The following RUNX1 variants were observed in gnomAD, a reference collection of about 807,000 sequenced individuals.
RUNX1 encodes RUNX family transcription factor 1.
In RUNX1, 19 loss-of-function variants were observed where a neutral mutation model predicts 42.8. The ratio of observed to expected loss-of-function variants is 0.44; its 90% CI spans 0.31 to 0.65. The LOEUF (loss-of-function observed/expected upper bound fraction) is 0.65, where lower values mean the gene tolerates loss of function less well. Ranked by LOEUF, RUNX1 falls within the 30% of genes least tolerant of loss-of-function variation. RUNX1 has a pLI of 0.07. For synonymous variants in RUNX1, 271 were observed against 289.4 expected (o/e 0.94, Z 0.64); for missense variants, 528 against 672.0 (o/e 0.79, Z 2.37).
intron 6 of RUNX1, among the ~76,000 whole-genome samples, chr21:34,837,018 A>T (rs1456736907): frequency 6.6e-6 from 1 of 152,174 alleles, no homozygotes. Flanking sequence ...TTTTATTTTA[A>T]TTAGTCCCCC....
At position 34,789,589 on chromosome 21, in the gene RUNX1, C is replaced by A; in HGVS notation, c.*2546G>T. ...AAGTCAATGAATGCAATTTTTCACA[C>A]ACACACACACACACGCACACACACA... On this transcript the variant is annotated 3_prime_UTR_variant, in exon 9 of 9. Transcript: ENST00000675419. 1 of 233,234 alleles carries A rather than the reference C, an allele frequency of 4.3e-6. No homozygotes were observed. The highest frequency in any genetic ancestry group is 8.5e-6 in the Non-Finnish European group (1 of 118,052). 14.4% of individuals were successfully genotyped at this position (233,234 alleles called of 1,614,324 possible).
At chr21:35,049,060 A>G (rs1368854257) in intron 1 of RUNX1, 102 bp from the exon 2 acceptor site, 1 of 677,562 alleles carries the variant, frequency 1.5e-6, no homozygotes, top group Non-Finnish European at 2.7e-6. Context: ...GGGACTCCCC[A>G]AGCCCTATTA....
In RUNX1 at chr21:34,958,987, G is replaced by A. The variant is rs1396721223; in HGVS notation, c.59-66024C>T. Among the ~76,000 whole-genome samples the A allele has an allele frequency of 6.6e-5, 10 of 151,806 alleles. No homozygotes were observed. In the East Asian group the frequency reaches 7.7e-4, roughly 12 times the overall value. ...ACACCGCATGTTCTCACTCATAGATGGGAATTGAACAATGAGAACACATGG... is the reference window on the plus strand; with the variant it reads ...ACACCGCATGTTCTCACTCATAGATAGGAATTGAACAATGAGAACACATGG... On this transcript the variant is annotated intron_variant, in intron 2 of 8. Transcript: ENST00000675419.
intron 2 of RUNX1, among the ~76,000 whole-genome samples, chr21:34,909,588 C>CAAAAAAAAAAAAAAAAAAAAAAAAAAA (rs10584066): frequency 8.0e-5 from 6 of 75,022 alleles, no homozygotes; most frequent in African/African-American, 3.1e-4. Flanking sequence ...CACTGTTCCT[C>CAAAAAAAAAAAAAAAAAAAAAAAAAAA]AAAAAAAAAA....
At chr21:35,034,740 C>T (rs190991010) in intron 2 of RUNX1, among the ~76,000 whole-genome samples, 103 of 152,266 alleles carry the variant, frequency 6.8e-4, no homozygotes, top group African/African-American at 2.4e-3. Flanking sequence ...GTGGCGAGGT[C>T]GGGAAACCCT....
chr21:34,964,255 G>A (rs562203297), intron 2 of RUNX1, among the ~76,000 whole-genome samples: 3 of 152,140 alleles, frequency 2.0e-5, no homozygotes, highest in African/African-American at 7.2e-5. Context: ...ATGGGAGGCC[G>A]AGGTGAGCAG....
intron 2 of RUNX1, among the ~76,000 whole-genome samples, chr21:35,008,759 G>A (rs1488771378): frequency 2.0e-5 from 3 of 152,106 alleles, no homozygotes; most frequent in African/African-American, 4.8e-5. Flanking sequence ...GATACCTAGT[G>A]GTGGACTCGG....
intron 6 of RUNX1, among the ~76,000 whole-genome samples, chr21:34,852,169 A>AAAAC (rs2057429995): frequency 6.6e-6 from 1 of 150,974 alleles, no homozygotes; most frequent in African/African-American, 2.4e-5. Flanking sequence ...CTCTGTCTCA[A>AAAAC]AAAACAAAAC....
intron 2 of RUNX1, among the ~76,000 whole-genome samples, chr21:34,938,016 C>A (rs908346930): frequency 6.6e-6 from 1 of 152,192 alleles, no homozygotes; most frequent in African/African-American, 2.4e-5. Flanking sequence ...GGCAGTCCTG[C>A]ATTTCAGATA....
At chr21:35,009,466 T>C (rs2059109523) in intron 2 of RUNX1, among the ~76,000 whole-genome samples, 1 of 152,212 alleles carries the variant, frequency 6.6e-6, no homozygotes, top group African/African-American at 2.4e-5. Context: ...CTCCAAAGAA[T>C]AATTACACTC....
At chr21:34,968,165 G>A (rs1282444553) in intron 2 of RUNX1, among the ~76,000 whole-genome samples, 1 of 152,218 alleles carries the variant, frequency 6.6e-6, no homozygotes, top group Non-Finnish European at 1.5e-5. Flanking sequence ...GTCTATGTCT[G>A]AGTGGGCGAG....
In RUNX1 at chr21:35,001,941, G is replaced by A. The variant is rs1007774604; in HGVS notation, c.58+46901C>T. Reference sequence around the variant, plus strand: ...GTACAAGTAAATTTTAAACAAGGAGGCAAAAGACTCATATACTGAAAACCA... The same window carrying A: ...GTACAAGTAAATTTTAAACAAGGAGACAAAAGACTCATATACTGAAAACCA... On this transcript the variant is annotated intron_variant, in intron 2 of 8. Coordinates refer to ENST00000675419, the MANE Select transcript of RUNX1 (RefSeq NM_001754.5). 6.6e-5 allele frequency among the ~76,000 whole-genome samples: 10 copies of A among 152,020 alleles called. No individual in the cohort carries two copies. In the South Asian group the frequency reaches 2.1e-3, roughly 32 times the overall value.
At chr21:34,888,438 GC>G in intron 3 of RUNX1, 1 of 1,067,076 alleles carries the variant, frequency 9.4e-7, no homozygotes, top group African/African-American at 1.6e-5. Flanking sequence ...AAAGTTCGCA[GC>G]CAGGAAAGAA....
chr21:34,922,580 A>C (rs2058362046), intron 2 of RUNX1, among the ~76,000 whole-genome samples: 1 of 152,182 alleles, frequency 6.6e-6, no homozygotes. Context: ...AGAGAGAAAC[A>C]GTGATCTACA....
intron 6 of RUNX1, among the ~76,000 whole-genome samples, chr21:34,857,687 C>G (rs1245978003): frequency 1.3e-5 from 2 of 152,192 alleles, no homozygotes; most frequent in African/African-American, 4.8e-5. Flanking sequence ...CTGCCTCCCT[C>G]CCAGCCAGGC....
chr21:34,848,723 C>T (rs113210300), intron 6 of RUNX1, among the ~76,000 whole-genome samples: 3,811 of 152,302 alleles, frequency 0.025, 93 homozygotes, highest in Middle Eastern at 0.065. Context: ...GCGTGAGCTA[C>T]CGCGCCCAGC....
chr21:34,846,582 T>C lies in RUNX1; in HGVS notation c.614-11981A>G, dbSNP rs1241156267. Among the ~76,000 whole-genome samples, 5 of 131,528 alleles carry C rather than the reference T, an allele frequency of 3.8e-5. No homozygotes were observed. The Admixed American group carries it at 4.1e-4, about 11-fold the overall frequency. 86.3% of individuals were successfully genotyped at this position (131,528 alleles called of 152,430 possible). ...GAATCTGAGGGTCTAAGAGGAGACA[T>C]GAGCTGCTGAGATTGACTGAGCTAG... On this transcript the variant is annotated intron_variant, in intron 6 of 8. Coordinates refer to ENST00000675419, the MANE Select transcript of RUNX1 (RefSeq NM_001754.5).
intron 2 of RUNX1, among the ~76,000 whole-genome samples, chr21:35,044,905 C>T (rs1331381659): frequency 6.6e-6 from 1 of 152,154 alleles, no homozygotes; most frequent in Non-Finnish European, 1.5e-5. Flanking sequence ...GGGTCAGTTG[C>T]TGTTTCCAAA....
chr21:34,826,031 G>A (rs1198846948), intron 7 of RUNX1, among the ~76,000 whole-genome samples: 1 of 152,196 alleles, frequency 6.6e-6, no homozygotes, highest in Non-Finnish European at 1.5e-5. Context: ...AGAACTAAGA[G>A]AGAATACATT....
Sources: allele counts gnomAD v4.1 joint callset (sites outside exome capture counted in the v4.1 genomes callset), GRCh38; gene constraint gnomAD v4.1.1; transcripts MANE v1.5; gene names NCBI Gene and HGNC (gene_info 2026-07-23, HGNC 2026-07-21).